GCA: variants seen among roughly 807,000 people sequenced by gnomAD.
The protein encoded by GCA is grancalcin, also known as grancalcin, EF-hand calcium-binding protein.
In GCA, 30 loss-of-function variants were observed where a neutral mutation model predicts 32.6. The observed-to-expected ratio is 0.92, with a 90% CI of 0.69 to 1.25. The LOEUF (loss-of-function observed/expected upper bound fraction) is 1.25. GCA is among the 50% of genes most tolerant of loss of function. GCA has a pLI of 0.00. For synonymous variants in GCA, 102 were observed against 84.6 expected (o/e 1.21, Z -1.13); for missense variants, 291 against 266.8 (o/e 1.09, Z -0.63).
At chr2:162,367,413 A>G (rs1331838066), downstream of GCA, among the ~76,000 whole-genome samples, 3 of 152,002 alleles carry the variant, frequency 2.0e-5, no homozygotes, top group African/African-American at 4.8e-5. Flanking sequence ...TCTAAGGACT[A>G]TATCATAGAT....
intron 5 of GCA, among the ~76,000 whole-genome samples, chr2:162,357,216 T>C (rs1295431510): frequency 4.6e-5 from 7 of 151,858 alleles, no homozygotes. Context: ...GCAGGATATC[T>C]AATTGGGAGC....
chr2:162,356,693 A>T, intron 4 of GCA, 65 bp from the exon 5 acceptor site: 4 of 1,234,706 alleles, frequency 3.2e-6, no homozygotes, highest in Non-Finnish European at 3.5e-6. Flanking sequence ...CTCATGTTTT[A>T]GTCAATGATT....
chr2:162,348,670 G>A (rs1337755001), intron 2 of GCA, among the ~76,000 whole-genome samples: 2 of 152,142 alleles, frequency 1.3e-5, no homozygotes, highest in East Asian at 1.9e-4. Context: ...AATTCTGTGG[G>A]TGAATTGTTA....
intron 2 of GCA, among the ~76,000 whole-genome samples, chr2:162,349,600 A>G (rs947902304): frequency 3.9e-5 from 6 of 152,138 alleles, no homozygotes; most frequent in African/African-American, 1.2e-4. Flanking sequence ...TATGGAATAC[A>G]GTGGATTGGT....
intron 1 of GCA, among the ~76,000 whole-genome samples, chr2:162,325,820 G>A (rs1278797093): frequency 6.6e-6 from 1 of 152,160 alleles, no homozygotes; most frequent in African/African-American, 2.4e-5. Flanking sequence ...GTGAAATTCT[G>A]GAAAGCCTCT....
At chr2:162,339,263 T>A (rs1684366870), upstream of GCA, among the ~76,000 whole-genome samples, 1 of 152,156 alleles carries the variant, frequency 6.6e-6, no homozygotes, top group Non-Finnish European at 1.5e-5. Flanking sequence ...TATTTTTATG[T>A]CTTATGCAAA....
chr2:162,327,061 C>G (rs1683910459), intron 1 of GCA, among the ~76,000 whole-genome samples: 1 of 152,152 alleles, frequency 6.6e-6, no homozygotes, highest in African/African-American at 2.4e-5. Flanking sequence ...CCTGTTTATT[C>G]CAGGAACCAT....
intron 1 of GCA, among the ~76,000 whole-genome samples, chr2:162,333,275 G>A (rs367817157): frequency 2.0e-5 from 3 of 152,106 alleles, no homozygotes; most frequent in Non-Finnish European, 2.9e-5. Flanking sequence ...AGCCAGTAAC[G>A]AAGAGATGAG....
At chr2:162,370,245 T>C (rs1576310799) in intron 4 of GCA, among the ~76,000 whole-genome samples, 1 of 152,270 alleles carries the variant, frequency 6.6e-6, no homozygotes, top group East Asian at 1.9e-4. Context: ...CATTTAGTAA[T>C]GTGCACTGAT....
chr2:162,323,107 G>A (rs1466026584), intron 1 of GCA, among the ~76,000 whole-genome samples: 2 of 151,750 alleles, frequency 1.3e-5, no homozygotes, highest in East Asian at 1.9e-4. Flanking sequence ...ATTCTAACTG[G>A]TGTGAGATGG....
In GCA at chr2:162,362,417, G is replaced by T. The variant is rs989860039; in HGVS notation, c.*2174G>T. On this transcript the variant is annotated 3_prime_UTR_variant, in exon 8 of 8. Transcript: ENST00000437150. The stretch of plus-strand genomic sequence containing the variant: ...ATACTGAAATACAGTTCACTTTTTC[G>T]ATGCTTTAAAAATAACTGATATTTT... 4.1e-6 allele frequency: 4 copies of T among 970,510 alleles called. No individual in the cohort carries two copies. The African/African-American group carries it at 5.3e-5, about 13-fold the overall frequency. 60.1% of individuals were successfully genotyped at this position (970,510 alleles called of 1,614,324 possible). A position where few individuals can be genotyped will look rare whatever the true frequency, so the allele number is the denominator to read the frequency against.
intron 4 of GCA, among the ~76,000 whole-genome samples, chr2:162,370,686 A>G (rs996390985): frequency 6.6e-6 from 1 of 152,154 alleles, no homozygotes; most frequent in African/African-American, 2.4e-5. Context: ...TTAGACATGG[A>G]ATAACATATA....
chr2:162,372,420 G>A (rs1685987348), downstream of GCA, among the ~76,000 whole-genome samples: 1 of 152,074 alleles, frequency 6.6e-6, no homozygotes, highest in African/African-American at 2.4e-5. Context: ...GATGAGGAAT[G>A]GGATCACTTG....
intron 1 of GCA, chr2:162,319,398 A>G (rs1416493621): frequency 6.3e-6 from 2 of 317,406 alleles, no homozygotes. Flanking sequence ...CCCAGCTTGT[A>G]AGTTCCCTAT....
intron 1 of GCA, among the ~76,000 whole-genome samples, chr2:162,326,053 G>T (rs1051593996): frequency 6.6e-6 from 1 of 152,168 alleles, no homozygotes; most frequent in Non-Finnish European, 1.5e-5. Context: ...GAGGAGCAGG[G>T]CTTGAGGGAG....
downstream of GCA, among the ~76,000 whole-genome samples, chr2:162,364,129 C>T (rs1184539811): frequency 2.0e-5 from 3 of 151,398 alleles, no homozygotes; most frequent in African/African-American, 7.2e-5. Flanking sequence ...GTGAGAGGTA[C>T]CCCAATGTTT....
At chr2:162,365,310 C>T (rs1335915092), downstream of GCA, among the ~76,000 whole-genome samples, 1 of 151,330 alleles carries the variant, frequency 6.6e-6, no homozygotes, top group Admixed American at 6.6e-5. Flanking sequence ...AATTTGCAAC[C>T]ATTTTTTACA....
At chr2:162,337,540 G>A (rs763259792) in intron 1 of GCA, among the ~76,000 whole-genome samples, 3 of 152,174 alleles carry the variant, frequency 2.0e-5, no homozygotes, top group Non-Finnish European at 4.4e-5. Context: ...GGCAGCAGCA[G>A]CAACTGAGCT....
At chr2:162,364,311 A>AT (rs1241821928), downstream of GCA, among the ~76,000 whole-genome samples, 4 of 151,582 alleles carry the variant, frequency 2.6e-5, no homozygotes, top group African/African-American at 4.8e-5. Context: ...TTAAATATTC[A>AT]TTTTTTTGAA....
Sources: gnomAD v4.1 joint callset for allele counts (sites outside exome capture counted in the v4.1 genomes callset) on GRCh38, gnomAD v4.1.1 for gene constraint, MANE v1.5 for transcripts, NCBI Gene and HGNC (gene_info 2026-07-23, HGNC 2026-07-21) for gene names.